Variants in C2CD2 observed in about 807,000 individuals in gnomAD.
C2CD2 encodes the protein C2 calcium dependent domain containing 2.
In C2CD2, 43 loss-of-function variants were observed where a neutral mutation model predicts 74.3. The ratio of observed to expected loss-of-function variants is 0.58; its 90% CI spans 0.45 to 0.75. C2CD2 has a LOEUF of 0.75. Among genes scored for constraint, C2CD2 ranks in the 30% least tolerant of loss-of-function variants. The pLI is 0.00. For missense variants in C2CD2, 801 were observed against 916.3 expected (o/e 0.87, Z 1.63); for synonymous variants, 422 against 390.7 (o/e 1.08, Z -0.94).
chr21:41,946,405 A>G (rs1486575269), intron 1 of C2CD2, among the ~76,000 whole-genome samples: 1 of 152,150 alleles, frequency 6.6e-6, no homozygotes, highest in East Asian at 1.9e-4. Context: ...GCCTAGCACC[A>G]TCTCCCCTTG....
chr21:41,945,623 C>G lies in C2CD2; in HGVS notation c.280-3378G>C, dbSNP rs1164468977. Among the ~76,000 whole-genome samples the G allele has an allele frequency of 6.6e-6, 1 of 152,164 alleles. No homozygotes were observed. Among genetic ancestry groups the G allele is most frequent in the Non-Finnish European group, 1.5e-5 (1 of 68,034 alleles). On this transcript the variant is annotated intron_variant, in intron 1 of 13. Transcript: ENST00000380486. This position sits in a 1 kb window ranked among gnomAD's most constrained non-coding sequence, Gnocchi z 4.2. ...TCGGTTTGGCTCTGTTTGTAACCAC[C>G]ATGTGTCAAGAGAGGGACCTGTAAT...
At chr21:41,952,582 C>T (rs892876372) in intron 1 of C2CD2, among the ~76,000 whole-genome samples, 1 of 152,230 alleles carries the variant, frequency 6.6e-6, no homozygotes, top group African/African-American at 2.4e-5. Context: ...TGTCGTTATA[C>T]TAAGATGTCT....
chr21:41,934,871 TTGTTTGTTTGTC>T (rs1445707384), intron 2 of C2CD2, among the ~76,000 whole-genome samples: 3 of 151,172 alleles, frequency 2.0e-5, no homozygotes, highest in South Asian at 2.1e-4. Flanking sequence ...TTTTTTTTGC[TTGTTTGTTTGTC>T]TGTTTGTTTG....
chr21:41,939,865 C>T lies in C2CD2; in HGVS notation c.378+2282G>A, dbSNP rs1054388767. ...AGCTGAAGTATGCACACCAGTGACC[C>T]GCCAGGCTCATGCCTGCCCTTGGGG... On this transcript the variant is annotated intron_variant, in intron 2 of 13. Coordinates refer to ENST00000380486, the MANE Select transcript of C2CD2 (RefSeq NM_015500.2). The surrounding 1 kb of genome is among the most constrained non-coding windows in gnomAD (Gnocchi z 5.5). 6.6e-5 allele frequency among the ~76,000 whole-genome samples: 10 copies of T among 152,292 alleles called. No individual in the cohort carries two copies. Among genetic ancestry groups the T allele is most frequent in the East Asian group, 1.9e-4 (1 of 5,184 alleles).
At chr21:41,904,446 T>C (rs4920122) in intron 11 of C2CD2, among the ~76,000 whole-genome samples, 4,000 of 152,296 alleles carry the variant, frequency 0.026, 94 homozygotes, top group Middle Eastern at 0.082. Context: ...GCCATTCTTT[T>C]ATTCCTTTAC....
In C2CD2 at chr21:41,918,235, AAGAGGAG is replaced by A. The variant is rs1191128580; in HGVS notation, c.598-15_598-9del. The A allele has an allele frequency of 1.9e-6, 3 of 1,613,792 alleles. No homozygotes were observed. The highest frequency in any genetic ancestry group is 1.7e-6 in the Non-Finnish European group (2 of 1,179,892). ...TGTCTCAGCCACCTGGTCCTGGTGAAAGAGGAGAAAGTTGACAAATCGCCTTTGCAAG... is the reference window on the plus strand; with the variant it reads ...TGTCTCAGCCACCTGGTCCTGGTGAAAAAGTTGACAAATCGCCTTTGCAAG... On this transcript the variant is annotated splice_polypyrimidine_tract_variant and intron_variant, in intron 4 of 13. Coordinates refer to ENST00000380486, the MANE Select transcript of C2CD2 (RefSeq NM_015500.2).
intron 3 of C2CD2, among the ~76,000 whole-genome samples, chr21:41,919,572 G>GA (rs1346189030): frequency 6.6e-6 from 1 of 152,216 alleles, no homozygotes; most frequent in Admixed American, 6.5e-5. Context: ...AGGCATAAAG[G>GA]AAAGAGGAGT....
intron 1 of C2CD2, among the ~76,000 whole-genome samples, chr21:41,946,916 G>C (rs1337342481): frequency 6.6e-6 from 1 of 152,022 alleles, no homozygotes; most frequent in Non-Finnish European, 1.5e-5. Flanking sequence ...AAAAAACAAA[G>C]AAAGACTGAG....
intron 2 of C2CD2, among the ~76,000 whole-genome samples, chr21:41,936,161 C>A (rs752248488): frequency 1.3e-4 from 20 of 152,112 alleles, no homozygotes; most frequent in Non-Finnish European, 2.6e-4. Flanking sequence ...AGTGAAGAGA[C>A]AACCTACGGA....
intron 1 of C2CD2, among the ~76,000 whole-genome samples, chr21:41,947,886 C>T (rs1035238580): frequency 6.6e-6 from 1 of 152,212 alleles, no homozygotes; most frequent in Non-Finnish European, 1.5e-5. Context: ...ACGGGCCCTT[C>T]CACGGGCTGA....
chr21:41,922,010 G>A lies in C2CD2; in HGVS notation c.454C>T (p.Arg152Trp), dbSNP rs751260500. 12 of 1,613,872 alleles carry A rather than the reference G, an allele frequency of 7.4e-6. No individual in the cohort carries two copies. Among genetic ancestry groups the A allele is most frequent in the Admixed American group, 3.3e-5 (2 of 60,020 alleles). Residue 152 changes from arginine to tryptophan, a missense_variant, in exon 3 of 14, where the codon CGG becomes TGG. By Grantham distance (101) the Arg-to-Trp change is moderately radical (BLOSUM62 -3). Transcript: ENST00000380486. ...GGGGAGAGCCGCATGTCGTACAGCC[G>A]GCATCCAGCACCCAAGGCAGGCGTC... ...SETPALGAGC[R>W]LYDMRLSPFH...
At chr21:41,906,363 T>A (rs1489795316) in intron 10 of C2CD2, among the ~76,000 whole-genome samples, 1 of 152,124 alleles carries the variant, frequency 6.6e-6, no homozygotes, top group South Asian at 2.1e-4. Context: ...CGTGTTTTGT[T>A]TTGTTTTGTT....
At chr21:41,918,003 G>T in intron 5 of C2CD2, 102 bp downstream of exon 5, 1 of 1,372,506 alleles carries the variant, frequency 7.3e-7, no homozygotes, top group Admixed American at 1.8e-5. Flanking sequence ...GCTCTACCAT[G>T]GGAGGTGGAG....
chr21:41,907,685 G>A lies in C2CD2; in HGVS notation c.1118C>T (p.Ser373Leu). 4.3e-6 allele frequency: 7 copies of A among 1,612,190 alleles called. No individual in the cohort carries two copies. The highest frequency in any genetic ancestry group is 2.2e-5 in the East Asian group (1 of 44,872). ...TLTSGSACGS[S>L]VLGSVTAEFS... ...CTCTGCCGTGACCGAGCCCAGCACC[G>A]AGCTGCCGCAGGCAGACCCGCTGGT... The change falls in exon 9 of 14, where the codon TCG becomes TTG. Residue 373 changes from serine to leucine, a missense_variant. Transcript: ENST00000380486.
intron 2 of C2CD2, 94 bp downstream of exon 2, chr21:41,942,053 G>A (rs953872091): frequency 1.4e-6 from 2 of 1,474,790 alleles, no homozygotes; most frequent in Non-Finnish European, 1.8e-6. Flanking sequence ...CTAGTGTAAG[G>A]GTTCCGCATT....
chr21:41,900,015 GT>G (rs988369797), intron 12 of C2CD2, among the ~76,000 whole-genome samples: 7 of 152,178 alleles, frequency 4.6e-5, no homozygotes, highest in African/African-American at 1.7e-4. Flanking sequence ...TGACACAGGC[GT>G]TTGCTTAGGG....
At chr21:41,935,537 T>C (rs1224882820) in intron 2 of C2CD2, among the ~76,000 whole-genome samples, 1 of 152,180 alleles carries the variant, frequency 6.6e-6, no homozygotes, top group African/African-American at 2.4e-5. Context: ...TGCCCGTCTG[T>C]GCTTGCTGAA....
rs2146116562 is a variant in C2CD2, at chr21:41,886,440, T to TA, written c.*2683dup. The TA allele has an allele frequency of 6.6e-6, 1 of 152,330 alleles. No homozygotes were observed. Among genetic ancestry groups the TA allele is most frequent in the Admixed American group, 6.5e-5 (1 of 15,302 alleles). 9.4% of individuals were successfully genotyped at this position (152,330 alleles called of 1,614,324 possible). ...GGAAAACAAACATTCACAGTATCAA[T>TA]ACAGCCCATTTCTCACGGTGCTACC... On this transcript the variant is annotated 3_prime_UTR_variant, in exon 14 of 14. Transcript: ENST00000380486.
rs530826225 is a variant in C2CD2, at chr21:41,895,942, A to T, written c.1870+3111T>A. Among the ~76,000 whole-genome samples the T allele has an allele frequency of 6.6e-6, 1 of 152,360 alleles. No individual in the cohort carries two copies. Among genetic ancestry groups the T allele is most frequent in the Non-Finnish European group, 1.5e-5 (1 of 68,040 alleles). On this transcript the variant is annotated intron_variant, in intron 13 of 13. Transcript: ENST00000380486. The surrounding 1 kb of genome is among the most constrained non-coding windows in gnomAD (Gnocchi z 5.0). ...CTACTTTTTAGCTCTGGAGGACGAC[A>T]AAAGGAACCAGCTTCTTCCTGTGGG...
Sources: gnomAD v4.1 joint callset for allele counts (sites outside exome capture counted in the v4.1 genomes callset) on GRCh38, gnomAD v4.1.1 for gene constraint, Gnocchi (gnomAD v3.1) non-coding constraint, MANE v1.5 for transcripts, NCBI Gene and HGNC (gene_info 2026-07-23, HGNC 2026-07-21) for gene names.